CNGB3: variants seen among roughly 807,000 people sequenced by gnomAD.
The protein encoded by CNGB3 is cyclic nucleotide gated channel subunit beta 3.
CNGB3 carries 86 observed loss-of-function variants against 92.8 expected under a neutral mutation model. The ratio of observed to expected loss-of-function variants is 0.93; its 90% CI spans 0.78 to 1.11. CNGB3 has a LOEUF of 1.11. Ranked by LOEUF, CNGB3 falls within the 50% of genes least tolerant of loss-of-function variation. CNGB3 has a pLI of 0.00. For missense variants in CNGB3, 1,026 were observed against 956.8 expected, an observed-to-expected ratio of 1.07 and a Z score of -0.95; for synonymous variants, 333 against 332.7, an observed-to-expected ratio of 1.00 and a Z score of -0.01.
At chr8:86,643,701 CAG>C (rs1411698285) in intron 10 of CNGB3, 48 bp downstream of exon 10, 2 of 1,582,178 alleles carry the variant, frequency 1.3e-6, no homozygotes, top group Non-Finnish European at 1.7e-6. Flanking sequence ...TACAATGAAA[CAG>C]AATGTTAAAA....
intron 3 of CNGB3, among the ~76,000 whole-genome samples, chr8:86,698,451 T>C (rs940792190): frequency 1.1e-4 from 16 of 152,322 alleles, no homozygotes; most frequent in African/African-American, 3.8e-4. Context: ...GACATTTTTA[T>C]ACAAAGATAG....
At chr8:86,655,111 A>G (rs1226902899) in intron 6 of CNGB3, among the ~76,000 whole-genome samples, 1 of 152,114 alleles carries the variant, frequency 6.6e-6, no homozygotes, top group Non-Finnish European at 1.5e-5. Flanking sequence ...TAGTGGTCCT[A>G]CACTGCACAT....
At chr8:86,601,395 C>T (rs1822295370) in intron 15 of CNGB3, among the ~76,000 whole-genome samples, 1 of 152,132 alleles carries the variant, frequency 6.6e-6, no homozygotes, top group Non-Finnish European at 1.5e-5. Context: ...CTGCACTCTT[C>T]AGATGATAAT....
chr8:86,719,666 C>T (rs13277072), intron 3 of CNGB3, among the ~76,000 whole-genome samples: 28,858 of 151,870 alleles, frequency 0.19, 3,357 homozygotes, highest in South Asian at 0.3. Flanking sequence ...CATATGGAAC[C>T]AAAAAAGATC....
chr8:86,735,541 G>T (rs1014590458), intron 2 of CNGB3, among the ~76,000 whole-genome samples: 2 of 152,108 alleles, frequency 1.3e-5, no homozygotes, highest in African/African-American at 4.8e-5. Context: ...CCTCCTGGAA[G>T]CTCCAGGAGA....
chr8:86,741,226 C>T (rs1055298813), intron 1 of CNGB3, among the ~76,000 whole-genome samples: 16 of 152,088 alleles, frequency 1.1e-4, no homozygotes, highest in African/African-American at 3.6e-4. Flanking sequence ...TTTGAAAGGT[C>T]GAATTCCGTG....
chr8:86,722,923 C>A (rs886965613), intron 3 of CNGB3, among the ~76,000 whole-genome samples: 6 of 152,260 alleles, frequency 3.9e-5, no homozygotes, highest in African/African-American at 1.4e-4. Flanking sequence ...TTACTGACTG[C>A]AGATCTTGGG....
At chr8:86,731,810 CAA>C (rs1045531418) in intron 2 of CNGB3, among the ~76,000 whole-genome samples, 1 of 152,112 alleles carries the variant, frequency 6.6e-6, no homozygotes, top group African/African-American at 2.4e-5. Context: ...AATATAAACA[CAA>C]AGTGTTCCAT....
At position 86,726,554 on chromosome 8, in the gene CNGB3, G is replaced by T. The variant is rs778832930; in HGVS notation, c.315C>A (p.Asp105Glu). 6.2e-7 allele frequency: 1 copy of T among 1,613,614 alleles called. No individual in the cohort carries two copies. The highest frequency in any genetic ancestry group is 1.3e-5 in the African/African-American group (1 of 74,848). Residue 105 changes from aspartate to glutamate, a missense_variant, in exon 3 of 18, where the codon GAC becomes GAA. Coordinates refer to ENST00000320005, the MANE Select transcript of CNGB3 (RefSeq NM_019098.5). ...ACCTGTTTGGACCTTCTTTCCCGGG[G>T]TCCATTTCCTTCTGCTCTGGCACTG... is the stretch of plus-strand genomic sequence containing the variant. ...TGTVPEQKEM[D>E]PGKEGPNSPQ...
intron 15 of CNGB3, among the ~76,000 whole-genome samples, chr8:86,590,025 G>C (rs1821992321): frequency 1.4e-5 from 2 of 148,116 alleles, no homozygotes; most frequent in African/African-American, 5.0e-5. Flanking sequence ...GGGTGCTCCT[G>C]TATTGGGTGC....
chr8:86,712,327 T>G (rs140302477), intron 3 of CNGB3, among the ~76,000 whole-genome samples: 9 of 152,262 alleles, frequency 5.9e-5, no homozygotes, highest in African/African-American at 1.9e-4. Flanking sequence ...ATTAAGCTTT[T>G]TTATTACTTC....
chr8:86,682,538 C>T (rs1285014977), intron 3 of CNGB3, among the ~76,000 whole-genome samples: 1 of 152,130 alleles, frequency 6.6e-6, no homozygotes, highest in Admixed American at 6.6e-5. Flanking sequence ...TTGTCATTGC[C>T]TCGATAGCAG....
At chr8:86,664,158 T>C (rs1823697164) in intron 6 of CNGB3, among the ~76,000 whole-genome samples, 2 of 152,244 alleles carry the variant, frequency 1.3e-5, no homozygotes, top group South Asian at 4.1e-4. Flanking sequence ...ATTTTTTGAA[T>C]AGACTTTTGG....
At chr8:86,577,402 G>T (rs188069901) in intron 17 of CNGB3, among the ~76,000 whole-genome samples, 18 of 152,150 alleles carry the variant, frequency 1.2e-4, no homozygotes, top group Non-Finnish European at 2.6e-4. Context: ...TGATAAAATG[G>T]GTTATTTATT....
chr8:86,676,335 A>C (rs1209829126), intron 3 of CNGB3, among the ~76,000 whole-genome samples: 1 of 152,136 alleles, frequency 6.6e-6, no homozygotes, highest in Non-Finnish European at 1.5e-5. Context: ...CTTTGATAAT[A>C]TAAAGGGAAG....
At chr8:86,626,203 T>G in intron 12 of CNGB3, 123 bp from the exon 13 acceptor site, 1 of 722,070 alleles carries the variant, frequency 1.4e-6, no homozygotes, top group Non-Finnish European at 2.5e-6. Context: ...TATACATAAT[T>G]AGATGCATCA....
chr8:86,577,106 A>T (rs1191134006), intron 17 of CNGB3, among the ~76,000 whole-genome samples: 1 of 150,088 alleles, frequency 6.7e-6, no homozygotes, highest in Non-Finnish European at 1.5e-5. Flanking sequence ...AATTATGAGA[A>T]TCAAAGAAAT....
At chr8:86,576,733 A>G (rs1056858187) in intron 17 of CNGB3, among the ~76,000 whole-genome samples, 1 of 152,194 alleles carries the variant, frequency 6.6e-6, no homozygotes, top group African/African-American at 2.4e-5. Context: ...CTTGGGATCA[A>G]TTTGAGAAAG....
chr8:86,667,217 G>T (rs1823760783), intron 5 of CNGB3, 84 bp from the exon 6 acceptor site: 4 of 1,165,238 alleles, frequency 3.4e-6, no homozygotes, highest in South Asian at 1.3e-5. Flanking sequence ...GGAGGTTGGG[G>T]CACTACCCTC....
Sources: allele counts gnomAD v4.1 joint callset (sites outside exome capture counted in the v4.1 genomes callset), GRCh38; gene constraint gnomAD v4.1.1; transcripts MANE v1.5; gene names NCBI Gene and HGNC (gene_info 2026-07-23, HGNC 2026-07-21).